ELP3: variants seen among roughly 807,000 people sequenced by gnomAD.
ELP3 encodes the protein elongator acetyltransferase complex subunit 3, also known as elongator complex protein 3.
ELP3 carries 56 observed loss-of-function variants against 74.9 expected under a neutral mutation model. The ratio of observed to expected loss-of-function variants is 0.75; its 90% confidence interval spans 0.60 to 0.93. The LOEUF (loss-of-function observed/expected upper bound fraction) is 0.93, where lower values mean the gene tolerates loss of function less well. Among genes scored for constraint, ELP3 ranks in the 40% least tolerant of loss-of-function variants. The probability of loss-of-function intolerance (pLI) is 0.00; values close to 1 mark genes in which losing one functional copy is unlikely to be tolerated. For missense variants in ELP3, 573 were observed against 686.5 expected, an observed-to-expected ratio of 0.83 and a Z score of 1.85; for synonymous variants, 222 against 239.8, an observed-to-expected ratio of 0.93 and a Z score of 0.68.
At chr8:28,174,300 A>G (rs1814653916) in intron 14 of ELP3, among the ~76,000 whole-genome samples, 1 of 152,072 alleles carries the variant, frequency 6.6e-6, no homozygotes, top group African/African-American at 2.4e-5. Context: ...ATATGTTGAT[A>G]ATTGTATAAA....
At chr8:28,135,174 C>T (rs1286128127) in intron 9 of ELP3, among the ~76,000 whole-genome samples, 1 of 152,150 alleles carries the variant, frequency 6.6e-6, no homozygotes, top group Non-Finnish European at 1.5e-5. Context: ...GTGATCCGCC[C>T]GCCTCTGCCT....
At chr8:28,164,649 A>C (rs1357251849) in intron 14 of ELP3, among the ~76,000 whole-genome samples, 1 of 152,020 alleles carries the variant, frequency 6.6e-6, no homozygotes, top group East Asian at 1.9e-4. Context: ...AGCTCTGGTC[A>C]CCCTTCAAAT....
chr8:28,189,261 G>C lies in ELP3; in HGVS notation c.1568-388G>C, dbSNP rs375796022. 4.9e-4 allele frequency among the ~76,000 whole-genome samples: 74 copies of C among 152,338 alleles called. 1 individual carries two copies. The highest frequency in any genetic ancestry group is 1.7e-3 in the African/African-American group (71 of 41,572). ...CGTCTATCGTTTGGCCTCATCTGGAGCATAGGCAGCTCAGACAGTAAATCC... is the reference window on the plus strand; with the variant it reads ...CGTCTATCGTTTGGCCTCATCTGGACCATAGGCAGCTCAGACAGTAAATCC... On this transcript the variant is annotated intron_variant, in intron 14 of 14. Coordinates refer to ENST00000256398, the MANE Select transcript of ELP3 (RefSeq NM_018091.6).
chr8:28,136,742 G>T (rs1442843464), intron 9 of ELP3, among the ~76,000 whole-genome samples: 1 of 152,220 alleles, frequency 6.6e-6, no homozygotes, highest in East Asian at 1.9e-4. Context: ...CAGTTTACAA[G>T]ATAGAGCCCT....
At chr8:28,172,672 C>A (rs916795083) in intron 14 of ELP3, among the ~76,000 whole-genome samples, 6 of 151,966 alleles carry the variant, frequency 3.9e-5, no homozygotes, top group Non-Finnish European at 7.4e-5. Flanking sequence ...TGGCTAGAAC[C>A]TTTAAGTACT....
chr8:28,093,292 C>G, intron 1 of ELP3, 59 bp downstream of exon 1: 1 of 1,601,724 alleles, frequency 6.2e-7, no homozygotes, highest in Non-Finnish European at 8.5e-7. Context: ...AACGCCCAGG[C>G]AATCAAATGC....
chr8:28,113,704 T>G (rs1045786570), intron 7 of ELP3: 1 of 152,214 alleles, frequency 6.6e-6, no homozygotes, highest in Non-Finnish European at 1.5e-5. Flanking sequence ...GGAAGTCCAA[T>G]GTCAAGGTGC....
intron 4 of ELP3, 108 bp downstream of exon 4, chr8:28,106,891 A>G: frequency 1.4e-6 from 1 of 710,444 alleles, no homozygotes; most frequent in South Asian, 1.8e-5. Flanking sequence ...CTTCAGCTTA[A>G]TAGATTTATA....
intron 11 of ELP3, among the ~76,000 whole-genome samples, chr8:28,157,289 C>CAAAAAAAAAA (rs35938340): frequency 1.9e-5 from 2 of 106,762 alleles, no homozygotes; most frequent in Non-Finnish European, 4.0e-5. Context: ...AAAAGCATGC[C>CAAAAAAAAAA]AAAAAAAAAA....
At chr8:28,129,395 T>G in intron 7 of ELP3, 107 bp from the exon 8 acceptor site, 1 of 1,192,730 alleles carries the variant, frequency 8.4e-7, no homozygotes, top group South Asian at 1.4e-5. Context: ...GAGCCTACAC[T>G]CTTTACCACT....
intron 1 of ELP3, among the ~76,000 whole-genome samples, chr8:28,096,112 T>C (rs1193747794): frequency 6.6e-6 from 1 of 152,178 alleles, no homozygotes; most frequent in Non-Finnish European, 1.5e-5. Context: ...GTGGTGGGTC[T>C]AGGTTGTGTG....
Position 28,107,702 on chromosome 8 carries a change from G to A in ELP3, c.330-211G>A, listed in dbSNP as rs73226778. Among the ~76,000 whole-genome samples the A allele has an allele frequency of 5.8e-3, 881 of 152,178 alleles. 3 individuals are homozygous for A. The highest frequency in any genetic ancestry group is 0.024 in the Middle Eastern group (7 of 292). On this transcript the variant is annotated intron_variant, in intron 4 of 14. Coordinates refer to ENST00000256398, the MANE Select transcript of ELP3 (RefSeq NM_018091.6). ...CACAACTGCAGTTATTTTGAAAATG[G>A]GTGTAATAATGTCCCTTTACATATT... is the stretch of plus-strand genomic sequence containing the variant.
At chr8:28,150,196 A>C (rs1309350934) in intron 10 of ELP3, among the ~76,000 whole-genome samples, 2 of 152,236 alleles carry the variant, frequency 1.3e-5, no homozygotes, top group Non-Finnish European at 1.5e-5. Context: ...TAAGCTATCT[A>C]TAGCAGCATA....
At chr8:28,129,785 T>A (rs1812722710) in intron 8 of ELP3, 122 bp downstream of exon 8, 2 of 1,094,630 alleles carry the variant, frequency 1.8e-6, no homozygotes, top group Admixed American at 4.3e-5. Context: ...GTATTCCTCC[T>A]TTTCAGAGTT....
At chr8:28,134,843 C>T (rs1388629782) in intron 9 of ELP3, among the ~76,000 whole-genome samples, 1 of 150,954 alleles carries the variant, frequency 6.6e-6, no homozygotes, top group Non-Finnish European at 1.5e-5. Flanking sequence ...CTCCAAGTGC[C>T]TTTTGTTTTC....
chr8:28,112,941 A>G (rs1286818913), intron 6 of ELP3, 78 bp from the exon 7 acceptor site: 12 of 1,362,154 alleles, frequency 8.8e-6, no homozygotes, highest in Non-Finnish European at 1.0e-5. Flanking sequence ...AACACTGCAA[A>G]ATAAGAGATT....
intron 14 of ELP3, among the ~76,000 whole-genome samples, chr8:28,176,687 A>G (rs940450828): frequency 8.5e-5 from 13 of 152,084 alleles, no homozygotes; most frequent in Non-Finnish European, 1.8e-4. Context: ...CTACCTTGCC[A>G]TTTTCCCTCT....
At chr8:28,133,508 T>C (rs1812864247) in intron 9 of ELP3, among the ~76,000 whole-genome samples, 1 of 151,948 alleles carries the variant, frequency 6.6e-6, no homozygotes, top group African/African-American at 2.4e-5. Flanking sequence ...GGTTGTTTTA[T>C]TGTTGTTATT....
intron 9 of ELP3, among the ~76,000 whole-genome samples, chr8:28,136,154 G>A (rs559622052): frequency 2.3e-4 from 35 of 152,068 alleles, no homozygotes; most frequent in African/African-American, 8.2e-4. Flanking sequence ...TAGAGATGGG[G>A]TTTCACCATG....
Sources: allele counts gnomAD v4.1 joint callset (sites outside exome capture counted in the v4.1 genomes callset), GRCh38; gene constraint gnomAD v4.1.1; transcripts MANE v1.5; gene names NCBI Gene and HGNC (gene_info 2026-07-23, HGNC 2026-07-21).